Variants in PRELID2 observed in about 807,000 individuals in gnomAD.
The protein encoded by PRELID2 is PRELI domain-containing protein 2.
A neutral mutation model predicts 28.4 loss-of-function variants in PRELID2; 25 were observed. The ratio of observed to expected loss-of-function variants is 0.88; its 90% confidence interval spans 0.64 to 1.23. PRELID2 has a LOEUF of 1.23. PRELID2 is among the 50% of genes most tolerant of loss of function. The pLI, the probability that PRELID2 is intolerant of heterozygous loss-of-function variation, is 0.00. For synonymous variants in PRELID2, 76 were observed against 71.6 expected (o/e 1.06, Z -0.31); for missense variants, 201 against 214.4 (o/e 0.94, Z 0.39).
At chr5:145,435,645 T>A in the PRELID2 span, among the ~76,000 whole-genome samples, 1 of 152,192 alleles carries the variant, frequency 6.6e-6, no homozygotes, top group Non-Finnish European at 1.5e-5. Context: ...CTACTTTGTT[T>A]TCTGTGTGCT....
rs1440022386 is a variant in PRELID2, at chr5:145,742,018, G to T, written n.70+22913C>A. On this transcript the variant is annotated intron_variant and non_coding_transcript_variant, in intron 1 of 2. Transcript: ENST00000510259. ...ATTATAAATAATAAATTTATTATAA[G>T]TAAATAAATTTATTCATTAATAATA... Among the ~76,000 whole-genome samples, 20 of 120,084 alleles carry T rather than the reference G, an allele frequency of 1.7e-4. 1 individual carries two copies. Among genetic ancestry groups the T allele is most frequent in the South Asian group, 1.5e-3 (6 of 3,948 alleles). 78.8% of individuals were successfully genotyped at this position (120,084 alleles called of 152,430 possible). A position where few individuals can be genotyped will look rare whatever the true frequency, so the allele number is the denominator to read the frequency against.
At chr5:145,371,625 T>C in the PRELID2 span, among the ~76,000 whole-genome samples, 1 of 152,098 alleles carries the variant, frequency 6.6e-6, no homozygotes, top group African/African-American at 2.4e-5. Flanking sequence ...GCTGGCTTCA[T>C]AAAATGAGTT....
At chr5:145,422,131 C>A in the PRELID2 span, among the ~76,000 whole-genome samples, 1 of 143,098 alleles carries the variant, frequency 7.0e-6, no homozygotes, top group Non-Finnish European at 1.5e-5. Flanking sequence ...TTTACATTTG[C>A]TGAGGAGAGC....
chr5:145,637,227 C>T (rs910739397), intron 1 of PRELID2, among the ~76,000 whole-genome samples: 3 of 152,156 alleles, frequency 2.0e-5, no homozygotes, highest in East Asian at 3.9e-4. Flanking sequence ...GCATAACAGA[C>T]ATTTTACATG....
At chr5:145,716,077 C>A (rs2149713706) in intron 1 of PRELID2, among the ~76,000 whole-genome samples, 1 of 152,104 alleles carries the variant, frequency 6.6e-6, no homozygotes, top group Admixed American at 6.6e-5. Flanking sequence ...AGCTCATCAG[C>A]TATTGGTAGT....
At position 145,534,054 on chromosome 5, in the gene PRELID2, C is replaced by G. The variant is rs115591690; in HGVS notation, n.71-60739G>C. ...GAATTTGGACTCCAATTTTTATTTC[C>G]CTTCTAATAGATAAAAGTCTTTATT... On this transcript the variant is annotated intron_variant and non_coding_transcript_variant, in intron 1 of 2. Coordinates refer to the PRELID2 transcript ENST00000510259. Among the ~76,000 whole-genome samples, 1,471 of 151,928 alleles carry G rather than the reference C, an allele frequency of 9.7e-3. 7 individuals are homozygous for G. The highest frequency in any genetic ancestry group is 0.015 in the African/African-American group (620 of 41,466).
chr5:145,417,569 C>T, the PRELID2 span, among the ~76,000 whole-genome samples: 1 of 152,084 alleles, frequency 6.6e-6, no homozygotes, highest in African/African-American at 2.4e-5. Flanking sequence ...TGGCTTCATC[C>T]CCAGGATGCA....
At chr5:145,606,243 T>A (rs1345791701) in intron 1 of PRELID2, among the ~76,000 whole-genome samples, 1 of 152,088 alleles carries the variant, frequency 6.6e-6, no homozygotes, top group Non-Finnish European at 1.5e-5. Context: ...TCTCTTCCTA[T>A]CTGGATGCCT....
At chr5:145,609,403 G>A (rs1753574704) in intron 1 of PRELID2, among the ~76,000 whole-genome samples, 1 of 152,174 alleles carries the variant, frequency 6.6e-6, no homozygotes, top group Non-Finnish European at 1.5e-5. Flanking sequence ...CTGGGTCTTG[G>A]AGGAACCCCT....
the PRELID2 span, among the ~76,000 whole-genome samples, chr5:145,378,150 G>A: frequency 6.6e-6 from 1 of 152,148 alleles, no homozygotes; most frequent in Non-Finnish European, 1.5e-5. Flanking sequence ...TCAGCTGAGT[G>A]GTCTGCTGTT....
the PRELID2 span, among the ~76,000 whole-genome samples, chr5:145,454,303 AC>A: frequency 3.3e-5 from 5 of 152,308 alleles, no homozygotes; most frequent in African/African-American, 1.2e-4. Flanking sequence ...GCTATCTATG[AC>A]AAACCCACAG....
chr5:145,252,818 G>A, the PRELID2 span, among the ~76,000 whole-genome samples: 1 of 151,978 alleles, frequency 6.6e-6, no homozygotes, highest in Non-Finnish European at 1.5e-5. Context: ...CACACTTAAT[G>A]CCACTGAACT....
At chr5:145,303,561 G>A in the PRELID2 span, among the ~76,000 whole-genome samples, 1 of 152,020 alleles carries the variant, frequency 6.6e-6, no homozygotes, top group East Asian at 1.9e-4. Flanking sequence ...CTCTCTCTAG[G>A]AAGAGCAACA....
intron 1 of PRELID2, among the ~76,000 whole-genome samples, chr5:145,649,112 AAATAAAAAAT>A (rs1581026394): frequency 6.6e-6 from 1 of 152,218 alleles, no homozygotes; most frequent in East Asian, 1.9e-4. Flanking sequence ...GAGAAGGCAA[AAATAAAAAAT>A]AATACAAATA....
intron 1 of PRELID2, among the ~76,000 whole-genome samples, chr5:145,639,143 AGAGCAG>A (rs1754052070): frequency 6.6e-6 from 1 of 152,242 alleles, no homozygotes; most frequent in Non-Finnish European, 1.5e-5. Flanking sequence ...AGGTCCCTAC[AGAGCAG>A]GTTTCAAACT....
the PRELID2 span, among the ~76,000 whole-genome samples, chr5:145,335,500 T>G: frequency 1.3e-5 from 2 of 152,160 alleles, no homozygotes; most frequent in Non-Finnish European, 2.9e-5. Context: ...AAAATTATTG[T>G]GTTTATCAGT....
chr5:145,393,159 A>G, the PRELID2 span, among the ~76,000 whole-genome samples: 1,968 of 152,300 alleles, frequency 0.013, 36 homozygotes, highest in African/African-American at 0.044. Flanking sequence ...TCCCTTAATG[A>G]ATGTATAATA....
chr5:145,362,631 C>G, the PRELID2 span, among the ~76,000 whole-genome samples: 1 of 152,196 alleles, frequency 6.6e-6, no homozygotes, highest in Non-Finnish European at 1.5e-5. Context: ...ACAAATCTTA[C>G]ATCTATAGGT....
chr5:145,540,511 G>A (rs939446342), intron 1 of PRELID2, among the ~76,000 whole-genome samples: 1 of 151,834 alleles, frequency 6.6e-6, no homozygotes, highest in Non-Finnish European at 1.5e-5. Flanking sequence ...GTCTTACCAT[G>A]GGACAACAGA....
Sources: gnomAD v4.1 joint callset for allele counts (sites outside exome capture counted in the v4.1 genomes callset) on GRCh38, gnomAD v4.1.1 for gene constraint, MANE v1.5 for transcripts, NCBI Gene and HGNC (gene_info 2026-07-23, HGNC 2026-07-21) for gene names.